MUC4: variants seen among roughly 807,000 people sequenced by gnomAD.
MUC4 encodes mucin 4, cell surface associated.
In MUC4, 202 loss-of-function variants were observed where a neutral mutation model predicts 257.9. That is an observed-to-expected ratio of 0.78 (90% confidence interval 0.70 to 0.88). MUC4 has a LOEUF of 0.88. MUC4 is among the 40% of genes least tolerant of loss of function. The pLI is 0.00. For synonymous variants in MUC4, 2,351 were observed against 2,757.1 expected, an observed-to-expected ratio of 0.85 and a Z score of 4.62; for missense variants, 5,976 against 6,513.7, an observed-to-expected ratio of 0.92 and a Z score of 2.84.
At chr3:195,774,429 G>A (rs1302506562) in intron 3 of MUC4, 124 bp from the exon 4 acceptor site, 1 of 1,246,386 alleles carries the variant, frequency 8.0e-7, no homozygotes, top group Admixed American at 3.3e-5. Context: ...GAGGGCCCCA[G>A]AGGCAGCCAT....
Position 195,751,204 on chromosome 3 carries a change from T to TA in MUC4, c.15647+2dup. ...GGGCTTAGGGGGACACAGTCCCACT[T>TA]ACATTCGTTCCACTTGGCTGTTGCG... On this transcript the variant is annotated splice_region_variant and intron_variant, in intron 22 of 24. Coordinates refer to ENST00000463781, the MANE Select transcript of MUC4 (RefSeq NM_018406.7). 1.2e-6 allele frequency: 2 copies of TA among 1,600,330 alleles called. No individual in the cohort carries two copies. The highest frequency in any genetic ancestry group is 2.2e-5 in the East Asian group (1 of 44,496).
At chr3:195,749,121 C>A in intron 23 of MUC4, 57 bp from the exon 24 acceptor site, 1 of 1,579,004 alleles carries the variant, frequency 6.3e-7, no homozygotes, top group South Asian at 1.2e-5. Flanking sequence ...TAAATCAGTA[C>A]CTTTTCAGCC....
chr3:195,754,382 G>A lies in MUC4; in HGVS notation c.15169-10C>T, dbSNP rs1243868733. The A allele has an allele frequency of 2.2e-5, 36 of 1,600,306 alleles. No individual in the cohort carries two copies. Among genetic ancestry groups the A allele is most frequent in the Non-Finnish European group, 3.0e-5 (35 of 1,172,394 alleles). On this transcript the variant is annotated splice_polypyrimidine_tract_variant and intron_variant, in intron 18 of 24. Transcript: ENST00000463781. ...ACTTGCAGCCAGCCACCTGGAGGAG[G>A]GTTGCCGATCACGGGCGGCCAGGAG... is the stretch of plus-strand genomic sequence containing the variant.
chr3:195,763,775 T>C (rs1719764285), intron 11 of MUC4, 134 bp from the exon 12 acceptor site: 2 of 1,066,288 alleles, frequency 1.9e-6, no homozygotes, highest in Admixed American at 2.9e-5. Flanking sequence ...ACTGGGGCAC[T>C]TGTCCGGGCG....
rs775918034 is a variant in MUC4, at chr3:195,784,992, G to C, written c.6588C>G (p.Thr2196=). The C allele has an allele frequency of 6.6e-7, 1 of 1,506,614 alleles. No homozygotes were observed. The highest frequency in any genetic ancestry group is 8.9e-7 in the Non-Finnish European group (1 of 1,118,676). The allele number at this position is 1,506,614 out of a possible 1,614,324, so 93.3% of individuals were successfully genotyped here. A position where few individuals can be genotyped will look rare whatever the true frequency, so the allele number is the denominator to read the frequency against. Residue 2196 remains threonine (T), a synonymous_variant, in exon 2 of 25, where the codon ACC becomes ACG. Transcript: ENST00000463781. ...STGHATPLPV[T]DTSSASTGQA... ...GACCTGTGGATGCTGAGGAAGTGTC[G>C]GTGACAGGAAGAGGGGTGGCGTGAC... is the stretch of plus-strand genomic sequence containing the variant.
intron 3 of MUC4, among the ~76,000 whole-genome samples, chr3:195,776,038 G>A (rs1490111840): frequency 2.7e-4 from 6 of 22,540 alleles, no homozygotes; most frequent in Admixed American, 1.3e-3. Flanking sequence ...TACCTTCCAC[G>A]GCCATAACTT....
intron 1 of MUC4, among the ~76,000 whole-genome samples, chr3:195,798,474 T>C (rs1229248656): frequency 6.6e-6 from 1 of 151,954 alleles, no homozygotes; most frequent in Non-Finnish European, 1.5e-5. Flanking sequence ...GAGGCTGAGG[T>C]GGGCGGATCA....
intron 14 of MUC4, among the ~76,000 whole-genome samples, chr3:195,761,868 C>T (rs537553059): frequency 4.6e-5 from 7 of 151,150 alleles, no homozygotes; most frequent in South Asian, 2.1e-4. Context: ...TCCCCGCAGC[C>T]CCCCCTGATG....
chr3:195,747,559 T>A (rs1715303180), intron 24 of MUC4, among the ~76,000 whole-genome samples, 179 bp from the exon 25 acceptor site: 1 of 152,254 alleles, frequency 6.6e-6, no homozygotes, highest in South Asian at 2.1e-4. Context: ...AGGAGGCAGG[T>A]GTGGGCTTTA....
chr3:195,754,869 CA>C (rs1350016353), intron 18 of MUC4, among the ~76,000 whole-genome samples: 2 of 22,394 alleles, frequency 8.9e-5, no homozygotes, highest in African/African-American at 1.6e-4. Flanking sequence ...AGATATGTAT[CA>C]ATGTATGTAT....
Position 195,782,218 on chromosome 3 carries a change from A to G in MUC4, c.9362T>C (p.Leu3121Pro). ...SSASTGHTTP[L>P]PVTDTSSAST... ...TGCTGAGGAAGTGTCGGTGACAGGA[A>G]GAGGGGTGGTGTGACCTGTGGATGC... is the stretch of plus-strand genomic sequence containing the variant. Residue 3121 changes from leucine (L) to proline (P), a missense_variant, in exon 2 of 25, where the codon CTT becomes CCT. Physicochemically the swap from Leu to Pro is moderately conservative, Grantham distance 98. Coordinates refer to ENST00000463781, the MANE Select transcript of MUC4 (RefSeq NM_018406.7). 2 of 1,401,658 alleles carry G rather than the reference A, an allele frequency of 1.4e-6. No homozygotes were observed. The highest frequency in any genetic ancestry group is 1.9e-6 in the Non-Finnish European group (2 of 1,058,724). The allele number at this position is 1,401,658 out of a possible 1,614,324, so 86.8% of individuals were successfully genotyped here. A position where few individuals can be genotyped will look rare whatever the true frequency, so the allele number is the denominator to read the frequency against.
In MUC4 at chr3:195,771,178, T is replaced by TCCTGGTCAGTCTCGCGGCC. The variant is rs1560273559; in HGVS notation, c.13242+473_13242+474insGGCCGCGAGACTGACCAGG. On this transcript the variant is annotated intron_variant, in intron 5 of 24. Coordinates refer to ENST00000463781, the MANE Select transcript of MUC4 (RefSeq NM_018406.7). The stretch of plus-strand genomic sequence containing the variant: ...GGGTATTCCTGGTCAGTCTCGTGGT[T>TCCTGGTCAGTCTCGCGGCC]GGGTTGGGGTATTCCTGGTCAGTCT... 3.4e-4 allele frequency among the ~76,000 whole-genome samples: 10 copies of TCCTGGTCAGTCTCGCGGCC among 29,730 alleles called. 1 individual carries two copies. The highest frequency in any genetic ancestry group is 8.3e-4 in the African/African-American group (5 of 6,014). 19.5% of individuals were successfully genotyped at this position (29,730 alleles called of 152,430 possible).
At position 195,762,254 on chromosome 3, in the gene MUC4, C is replaced by A; in HGVS notation, c.14345G>T (p.Gly4782Val). 2 of 1,573,454 alleles carry A rather than the reference C, an allele frequency of 1.3e-6. No individual in the cohort carries two copies. The highest frequency in any genetic ancestry group is 1.7e-6 in the Non-Finnish European group (2 of 1,159,266). The change falls in exon 14 of 25, where the codon GGC becomes GTC. Residue 4782 changes from glycine to valine, a missense_variant and splice_region_variant. Transcript: ENST00000463781. ...TFQPDHEDGG[G>V]QETFNATGVL... ...TCCGGTGGCGTTGAACGTCTCCTGGCCTGGAGCATCGGGAGGCAGCGGAGA... is the reference window on the plus strand; with the variant it reads ...TCCGGTGGCGTTGAACGTCTCCTGGACTGGAGCATCGGGAGGCAGCGGAGA...
In MUC4 at chr3:195,774,242, T is replaced by G; in HGVS notation, c.13007A>C (p.Asp4336Ala). The part of the protein sequence containing the change: ...GDLEFVRRTV[D>A]FTSPLFKPAT... ...CGGCTTGAAGAGTGGGGAGGTGAAG[T>G]CCACGGTCCTCCTGACGAACTCCAG... Residue 4336 changes from aspartate (D) to alanine (A), a missense_variant, in exon 4 of 25, where the codon GAC (aspartate) becomes GCC (alanine). Asp to Ala is a moderately radical substitution (Grantham distance 126). Around this residue, in one of 44 missense-constraint regions of MUC4, gnomAD observed 233 missense variants for 171.2 expected, o/e 1.36. Transcript: ENST00000463781. The G allele has an allele frequency of 1.3e-6, 2 of 1,594,084 alleles. No homozygotes were observed. The highest frequency in any genetic ancestry group is 2.3e-5 in the East Asian group (1 of 43,836).
At chr3:195,756,165 A>G (rs757985698) in intron 18 of MUC4, among the ~76,000 whole-genome samples, 2 of 152,198 alleles carry the variant, frequency 1.3e-5, no homozygotes, top group Admixed American at 1.3e-4. Context: ...TGATGATGAC[A>G]TCCTAGGGAG....
intron 1 of MUC4, 35 bp downstream of exon 1, chr3:195,811,701 C>G (rs779619042): frequency 6.2e-7 from 1 of 1,606,424 alleles, no homozygotes; most frequent in African/African-American, 1.3e-5. Context: ...AAGTGCTCCC[C>G]GCAGCCAGCC....
intron 1 of MUC4, among the ~76,000 whole-genome samples, chr3:195,792,104 A>T (rs893106571): frequency 6.6e-6 from 1 of 152,230 alleles, no homozygotes; most frequent in Non-Finnish European, 1.5e-5. Context: ...AAATCTCCAA[A>T]AGCACTTGCA....
At chr3:195,797,144 C>T (rs1019429278) in intron 1 of MUC4, among the ~76,000 whole-genome samples, 1 of 151,874 alleles carries the variant, frequency 6.6e-6, no homozygotes, top group Non-Finnish European at 1.5e-5. Flanking sequence ...TGGCACACAC[C>T]TGTAATCCCA....
intron 1 of MUC4, among the ~76,000 whole-genome samples, chr3:195,792,428 G>C (rs1011603639): frequency 6.6e-6 from 1 of 152,162 alleles, no homozygotes; most frequent in Non-Finnish European, 1.5e-5. Flanking sequence ...AAACTACAAA[G>C]GGATATCATC....
Sources: allele counts gnomAD v4.1 joint callset (sites outside exome capture counted in the v4.1 genomes callset), GRCh38; gene constraint gnomAD v4.1.1; regional missense constraint gnomAD v4.1.1; transcripts MANE v1.5; gene names NCBI Gene and HGNC (gene_info 2026-07-23, HGNC 2026-07-21).